Variants in RUFY1 observed in about 807,000 individuals in gnomAD.
RUFY1 encodes RUN and FYVE domain containing 1.
A neutral mutation model predicts 94.6 loss-of-function variants in RUFY1; 54 were observed. The ratio of observed to expected loss-of-function variants is 0.57; its 90% CI spans 0.46 to 0.72. The LOEUF (loss-of-function observed/expected upper bound fraction) is 0.72. Among genes scored for constraint, RUFY1 ranks in the 30% least tolerant of loss-of-function variants. RUFY1 has a pLI of 0.00. For synonymous variants in RUFY1, 396 were observed against 347.3 expected (o/e 1.14, Z -1.56); for missense variants, 883 against 883.9 (o/e 1.00, Z 0.01).
chr5:179,594,110 TG>T (rs1264650337), intron 11 of RUFY1, among the ~76,000 whole-genome samples: 2 of 151,896 alleles, frequency 1.3e-5, no homozygotes, highest in Non-Finnish European at 2.9e-5. Flanking sequence ...GAGACTAGCC[TG>T]GCCAGCATGG....
At chr5:179,605,278 C>CAAA (rs35410796) in intron 15 of RUFY1, among the ~76,000 whole-genome samples, 37 of 130,668 alleles carry the variant, frequency 2.8e-4, no homozygotes, top group African/African-American at 8.7e-4. Context: ...GATCCTGTCT[C>CAAA]AAAAAAAAAA....
intron 14 of RUFY1, among the ~76,000 whole-genome samples, chr5:179,601,046 G>A (rs1434970972): frequency 1.3e-5 from 2 of 152,120 alleles, no homozygotes; most frequent in South Asian, 2.1e-4. Context: ...CCTGTCCCAT[G>A]TCTCTGTCCC....
chr5:179,560,725 C>CAAAAAAAA (rs68093858), intron 2 of RUFY1, among the ~76,000 whole-genome samples: 14 of 78,710 alleles, frequency 1.8e-4, no homozygotes, highest in South Asian at 4.4e-4. Context: ...GACTCCGTCT[C>CAAAAAAAA]AAAAAAAAAA....
At chr5:179,554,138 G>A (rs1344396228) in intron 1 of RUFY1, among the ~76,000 whole-genome samples, 1 of 152,234 alleles carries the variant, frequency 6.6e-6, no homozygotes, top group Admixed American at 6.5e-5. Flanking sequence ...AGAGGGAGCA[G>A]TTTAGGAGCA....
chr5:179,596,930 G>T (rs1765714721), intron 13 of RUFY1: 2 of 476,622 alleles, frequency 4.2e-6, no homozygotes, highest in South Asian at 8.1e-5. Context: ...ATGGTACCAG[G>T]TCACAGCCTG....
chr5:179,550,654 G>A lies in RUFY1; in HGVS notation c.85G>A (p.Ala29Thr). The change falls in exon 1 of 18, where the codon GCG (alanine) becomes ACG (threonine). Residue 29 changes from alanine to threonine, a missense_variant. Coordinates refer to ENST00000319449, the MANE Select transcript of RUFY1 (RefSeq NM_025158.5). Reference sequence around the variant, plus strand: ...GGAGCCGGGGCCGGGGCCCGGGTCAGCGCTTGAGCCGGGAGAAGAGTTTGA... The same window carrying A: ...GGAGCCGGGGCCGGGGCCCGGGTCAACGCTTGAGCCGGGAGAAGAGTTTGA... Reference protein sequence around the residue: ...ELEPGPGPGSALEPGEEFEIV... With the variant: ...ELEPGPGPGSTLEPGEEFEIV... 2 of 1,461,284 alleles carry A rather than the reference G, an allele frequency of 1.4e-6. 1 individual carries two copies. The highest frequency in any genetic ancestry group is 2.6e-5 in the South Asian group (2 of 78,042). 90.5% of individuals were successfully genotyped at this position (1,461,284 alleles called of 1,614,324 possible). A position where few individuals can be genotyped will look rare whatever the true frequency, so the allele number is the denominator to read the frequency against.
chr5:179,594,226 C>T (rs1057098817), intron 11 of RUFY1, among the ~76,000 whole-genome samples: 13 of 151,658 alleles, frequency 8.6e-5, no homozygotes, highest in South Asian at 2.1e-4. Flanking sequence ...TGCTTGAACC[C>T]GGGAGACAGG....
At chr5:179,584,917 C>G (rs1229052769) in intron 7 of RUFY1, among the ~76,000 whole-genome samples, 1 of 151,898 alleles carries the variant, frequency 6.6e-6, no homozygotes, top group Non-Finnish European at 1.5e-5. Flanking sequence ...AGGCAGATCA[C>G]GAGGTCAGGA....
intron 14 of RUFY1, among the ~76,000 whole-genome samples, chr5:179,600,610 A>G (rs1020959444): frequency 1.3e-5 from 2 of 151,444 alleles, no homozygotes; most frequent in Non-Finnish European, 2.9e-5. Context: ...TGAGATAGCA[A>G]TCTGTTTTGT....
chr5:179,563,337 G>A (rs1329881813), intron 3 of RUFY1, among the ~76,000 whole-genome samples: 1 of 152,176 alleles, frequency 6.6e-6, no homozygotes, highest in Non-Finnish European at 1.5e-5. Context: ...GACAGGCATT[G>A]TGCTGAGAAC....
intron 13 of RUFY1, 180 bp downstream of exon 13, chr5:179,596,861 C>T: frequency 1.3e-6 from 1 of 765,720 alleles, no homozygotes; most frequent in Non-Finnish European, 2.0e-6. Context: ...GAGCTCCCTC[C>T]CCACAGGGCT....
At chr5:179,556,321 G>GTA (rs1310684698) in intron 1 of RUFY1, among the ~76,000 whole-genome samples, 1 of 151,978 alleles carries the variant, frequency 6.6e-6, no homozygotes, top group Non-Finnish European at 1.5e-5. Flanking sequence ...CATCTTATAA[G>GTA]TCTCAGCAAA....
chr5:179,577,159 C>CTTGTTTTTTTTTT, intron 6 of RUFY1, 23 bp downstream of exon 6: 1 of 183,384 alleles, frequency 5.5e-6, no homozygotes, highest in Non-Finnish European at 9.6e-6. Flanking sequence ...TTGTATGTCA[C>CTTGTTTTTTTTTT]TTTTTTTTTT....
intron 5 of RUFY1, among the ~76,000 whole-genome samples, chr5:179,574,407 CATAAAA>C (rs1763466735): frequency 6.6e-6 from 1 of 152,126 alleles, no homozygotes; most frequent in African/African-American, 2.4e-5. Context: ...AAAAAATAAA[CATAAAA>C]ATAAAATAAA....
intron 2 of RUFY1, among the ~76,000 whole-genome samples, chr5:179,561,672 T>C (rs1269022222): frequency 3.1e-5 from 4 of 127,214 alleles, no homozygotes; most frequent in Admixed American, 8.5e-5. Flanking sequence ...AACTGTTTTT[T>C]TCTTTCTTTT....
At chr5:179,566,903 A>C (rs575309729) in intron 3 of RUFY1, among the ~76,000 whole-genome samples, 1 of 151,946 alleles carries the variant, frequency 6.6e-6, no homozygotes, top group East Asian at 1.9e-4. Context: ...TAAAAACAAA[A>C]ATTAGCCAGG....
chr5:179,594,982 C>T lies in RUFY1; in HGVS notation c.1511+19C>T. ...AAGAAAGGTAATCACTTCCCCCTGG[C>T]AGATATTCTCGGGAAGGCTCTGAGC... is the stretch of plus-strand genomic sequence containing the variant. On this transcript the variant is annotated intron_variant, in intron 12 of 17. Transcript: ENST00000319449. 6.6e-7 allele frequency: 1 copy of T among 1,506,212 alleles called. No individual in the cohort carries two copies. The highest frequency in any genetic ancestry group is 9.2e-7 in the Non-Finnish European group (1 of 1,083,906). 93.3% of individuals were successfully genotyped at this position (1,506,212 alleles called of 1,614,324 possible).
intron 1 of RUFY1, among the ~76,000 whole-genome samples, chr5:179,554,924 C>T (rs572054725): frequency 4.6e-5 from 7 of 151,880 alleles, no homozygotes; most frequent in South Asian, 4.1e-4. Flanking sequence ...GCCAAGATCA[C>T]GCCACTGCAC....
rs555923321 is a variant in RUFY1, at chr5:179,609,497, G to A, written c.2105G>A (p.Arg702His). Residue 702 changes from arginine to histidine, a missense_variant, in exon 18 of 18, where the codon CGC (arginine) becomes CAC (histidine). By Grantham distance (29) the Arg-to-His change is conservative (BLOSUM62 0). Coordinates refer to ENST00000319449, the MANE Select transcript of RUFY1 (RefSeq NM_025158.5). ...AGCTGCCACACCCTGCTCCTGCAGC[G>A]CTGCTCCTCCACGGCCTCCTGAACG... ...CDSCHTLLLQ[R>H]CSSTAS The A allele has an allele frequency of 6.4e-5, 103 of 1,607,814 alleles. No individual in the cohort carries two copies. The highest frequency in any genetic ancestry group is 3.0e-4 in the South Asian group (27 of 90,710).
Sources: gnomAD v4.1 joint callset for allele counts (sites outside exome capture counted in the v4.1 genomes callset) on GRCh38, gnomAD v4.1.1 for gene constraint, MANE v1.5 for transcripts, NCBI Gene and HGNC (gene_info 2026-07-23, HGNC 2026-07-21) for gene names.